Variants in FGD3 observed in about 807,000 individuals in gnomAD.
The protein encoded by FGD3 is FYVE, RhoGEF and PH domain-containing protein 3.
A neutral mutation model predicts 71.8 loss-of-function variants in FGD3; 45 were observed. That is an observed-to-expected ratio of 0.63 (90% confidence interval 0.49 to 0.80). FGD3 has a LOEUF of 0.80. Among genes scored for constraint, FGD3 ranks in the 30% least tolerant of loss-of-function variants. FGD3 has a pLI of 0.00. For synonymous variants in FGD3, 378 were observed against 392.8 expected (o/e 0.96, Z 0.44); for missense variants, 844 against 951.5 (o/e 0.89, Z 1.49).
At chr9:92,958,331 A>G (rs975933244) in intron 1 of FGD3, among the ~76,000 whole-genome samples, 4 of 152,186 alleles carry the variant, frequency 2.6e-5, no homozygotes, top group African/African-American at 9.7e-5. Context: ...GCAGTTTTAC[A>G]TTCACAGGAA....
chr9:93,034,447 C>A (rs571979214), intron 16 of FGD3, 94 bp from the exon 17 acceptor site: 25 of 1,456,804 alleles, frequency 1.7e-5, no homozygotes, highest in East Asian at 2.5e-5. Context: ...CCAGCTCCCC[C>A]CAAGCAGTGG....
At chr9:93,015,906 C>G in intron 10 of FGD3, 77 bp downstream of exon 10, 1 of 1,300,774 alleles carries the variant, frequency 7.7e-7, no homozygotes, top group Non-Finnish European at 1.1e-6. Context: ...AGGCTCTGGC[C>G]GCTGAGGCAC....
intron 3 of FGD3, among the ~76,000 whole-genome samples, chr9:92,995,671 G>A (rs1860610992): frequency 6.6e-6 from 1 of 152,178 alleles, no homozygotes; most frequent in African/African-American, 2.4e-5. Flanking sequence ...TTTATCAAGA[G>A]TTTTTAGCAT....
Position 93,032,773 on chromosome 9 carries a change from T to C in FGD3, c.1685T>C (p.Ile562Thr), listed in dbSNP as rs201576191. 4.7e-5 allele frequency: 76 copies of C among 1,614,056 alleles called. No homozygotes were observed. Among genetic ancestry groups the C allele is most frequent in the Non-Finnish European group, 1.9e-5 (23 of 1,180,000 alleles). ...CACGTGCCCTCTGTTTGGCAGGTCA[T>C]CTGTGGGAAGTGCTCCGAGTTCAAG... ...RHHCKLCGAV[I>T]CGKCSEFKAE... Residue 562 changes from isoleucine (I) to threonine (T), a missense_variant, in exon 16 of 18, where the codon ATC becomes ACC. Physicochemically the swap from Ile to Thr is moderately conservative, Grantham distance 89. Transcript: ENST00000375482.
intron 12 of FGD3, 72 bp downstream of exon 12, chr9:93,019,933 A>C (rs1406427711): frequency 6.4e-7 from 1 of 1,559,120 alleles, no homozygotes; most frequent in Non-Finnish European, 8.8e-7. Context: ...ATGTTGGTTC[A>C]GAGGGTGGGG....
rs201909542 is a variant in FGD3 at position 93,011,169 on chromosome 9, C to T, written c.977-45C>T. On this transcript the variant is annotated intron_variant, in intron 7 of 17. Coordinates refer to ENST00000375482, the MANE Select transcript of FGD3 (RefSeq NM_001083536.2). ...CTGGAGCCCCTCAGGCAAGCAAAAA[C>T]GGAGCCACCGTGGCCCCAGGCTGAA... The T allele has an allele frequency of 4.1e-4, 665 of 1,603,928 alleles. 2 individuals carry two copies. The African/African-American group carries it at 6.6e-3, about 16-fold the overall frequency.
At chr9:93,024,666 A>G (rs1346728574) in intron 14 of FGD3, among the ~76,000 whole-genome samples, 1 of 152,164 alleles carries the variant, frequency 6.6e-6, no homozygotes, top group African/African-American at 2.4e-5. Context: ...AAGTGGGTGG[A>G]GGCCACGTGC....
chr9:93,034,443 C>A, intron 16 of FGD3, 98 bp from the exon 17 acceptor site: 1 of 1,441,282 alleles, frequency 6.9e-7, no homozygotes, highest in Non-Finnish European at 9.3e-7. Context: ...ACAGCCAGCT[C>A]CCCCCAAGCA....
chr9:93,034,632 C>A lies in FGD3; in HGVS notation c.1877C>A (p.Ala626Asp), dbSNP rs771981149. 17 of 1,613,450 alleles carry A rather than the reference C, an allele frequency of 1.1e-5. No homozygotes were observed. Among genetic ancestry groups the A allele is most frequent in the Non-Finnish European group, 1.4e-5 (16 of 1,179,846 alleles). The change falls in exon 17 of 18, where the codon GCC becomes GAC. Residue 626 changes from alanine to aspartate, a missense_variant. By Grantham distance (126) the Ala-to-Asp change is moderately radical. Coordinates refer to ENST00000375482, the MANE Select transcript of FGD3 (RefSeq NM_001083536.2). ...SGETWSEVWA[A>D]IPMSDPQVLH... is the part of the protein sequence containing the mutation. ...GAGACCTGGAGCGAGGTGTGGGCCG[C>A]CATCCCCATGTCAGATCCCCAGGTG...
chr9:93,003,886 C>A lies in FGD3; in HGVS notation c.544-115C>A. 8.0e-7 allele frequency: 1 copy of A among 1,255,888 alleles called. No homozygotes were observed. The highest frequency in any genetic ancestry group is 1.1e-6 in the Non-Finnish European group (1 of 893,074). 77.8% of individuals were successfully genotyped at this position (1,255,888 alleles called of 1,614,324 possible). On this transcript the variant is annotated intron_variant, in intron 4 of 17. Transcript: ENST00000375482. This position sits in a 1 kb window ranked among gnomAD's most constrained non-coding sequence, Gnocchi z 4.1. ...ATAATTCTGAAATTCATTAAGAAAA[C>A]ACAAGGTGGCAGCAGCGGCCCCTCC...
At chr9:92,992,339 A>G (rs1213120734) in intron 3 of FGD3, among the ~76,000 whole-genome samples, 3 of 152,138 alleles carry the variant, frequency 2.0e-5, no homozygotes, top group African/African-American at 7.2e-5. Context: ...ATAGTTTTAC[A>G]TGTTTTCAAG....
At chr9:93,032,951 TC>T in intron 16 of FGD3, 78 bp downstream of exon 16, 1 of 1,319,526 alleles carries the variant, frequency 7.6e-7, no homozygotes, top group Non-Finnish European at 1.1e-6. Context: ...CCCCAGCAGC[TC>T]CAGCTGCCTC....
chr9:93,022,192 A>C, intron 13 of FGD3, 135 bp from the exon 14 acceptor site: 2 of 811,480 alleles, frequency 2.5e-6, no homozygotes, highest in South Asian at 1.9e-5. Flanking sequence ...AGCAAATCCT[A>C]GGCCTGGGAA....
intron 14 of FGD3, among the ~76,000 whole-genome samples, chr9:93,029,664 G>A (rs1862279581): frequency 1.3e-5 from 2 of 152,230 alleles, no homozygotes; most frequent in South Asian, 4.1e-4. Context: ...TCTTTACTCG[G>A]TGCCATGGGC....
chr9:93,023,512 T>C (rs755893127), intron 14 of FGD3, among the ~76,000 whole-genome samples: 1 of 152,178 alleles, frequency 6.6e-6, no homozygotes, highest in Non-Finnish European at 1.5e-5. Context: ...GGACATCTTA[T>C]TAACACTGAA....
intron 1 of FGD3, among the ~76,000 whole-genome samples, chr9:92,971,056 G>T (rs1006458236): frequency 6.6e-6 from 1 of 152,060 alleles, no homozygotes; most frequent in African/African-American, 2.4e-5. Flanking sequence ...GACAATTAGG[G>T]GCTCCTCAAC....
At chr9:92,987,417 G>A (rs900132102) in intron 3 of FGD3, among the ~76,000 whole-genome samples, 1 of 141,272 alleles carries the variant, frequency 7.1e-6, no homozygotes, top group African/African-American at 2.7e-5. Context: ...GGACGACAGA[G>A]CGAGACTCTG....
At chr9:92,981,565 A>C (rs1019522973) in intron 3 of FGD3, among the ~76,000 whole-genome samples, 1 of 151,962 alleles carries the variant, frequency 6.6e-6, no homozygotes, top group Non-Finnish European at 1.5e-5. Flanking sequence ...CTGTCTGTAG[A>C]GTTGTTCAAG....
chr9:93,034,698 C>T lies in FGD3; in HGVS notation c.1926+17C>T. 1.2e-6 allele frequency: 2 copies of T among 1,608,924 alleles called. No homozygotes were observed. The highest frequency in any genetic ancestry group is 2.2e-5 in the South Asian group (2 of 90,488). ...GGCAGCCAGGTACGTGTCCCCACCCCACCAGGCCCTCAGGCCAGCAGCCCA... is the reference window on the plus strand; with the variant it reads ...GGCAGCCAGGTACGTGTCCCCACCCTACCAGGCCCTCAGGCCAGCAGCCCA... On this transcript the variant is annotated intron_variant, in intron 17 of 17. Coordinates refer to ENST00000375482, the MANE Select transcript of FGD3 (RefSeq NM_001083536.2).
Sources: allele counts gnomAD v4.1 joint callset (sites outside exome capture counted in the v4.1 genomes callset), GRCh38; gene constraint gnomAD v4.1.1; non-coding constraint Gnocchi (gnomAD v3.1); transcripts MANE v1.5; gene names NCBI Gene and HGNC (gene_info 2026-07-23, HGNC 2026-07-21).